CLIP4: variants seen among roughly 807,000 people sequenced by gnomAD.
The protein encoded by CLIP4 is CAP-Gly domain-containing linker protein 4.
In CLIP4, 47 loss-of-function variants were observed where a neutral mutation model predicts 73.1. The observed-to-expected ratio is 0.64, with a 90% CI of 0.51 to 0.82. The LOEUF is 0.82. Ranked by LOEUF, CLIP4 falls within the 40% of genes least tolerant of loss-of-function variation. CLIP4 has a pLI of 0.00. For synonymous variants in CLIP4, 306 were observed against 295.4 expected, an observed-to-expected ratio of 1.04 and a Z score of -0.37; for missense variants, 874 against 852.9, an observed-to-expected ratio of 1.02 and a Z score of -0.31.
At chr2:29,135,758 G>T (rs1665307126) in intron 6 of CLIP4, 92 bp downstream of exon 6, 2 of 823,108 alleles carry the variant, frequency 2.4e-6, no homozygotes, top group South Asian at 1.7e-5. Flanking sequence ...ATTAATAGAA[G>T]AACTCTTACA....
intron 13 of CLIP4, among the ~76,000 whole-genome samples, chr2:29,167,122 C>T (rs1489111604): frequency 6.6e-6 from 1 of 152,108 alleles, no homozygotes; most frequent in Non-Finnish European, 1.5e-5. Flanking sequence ...GAATTAGTGC[C>T]TTTTTCACAA....
chr2:29,103,836 C>T (rs560398637), intron 1 of CLIP4, among the ~76,000 whole-genome samples: 2 of 152,028 alleles, frequency 1.3e-5, no homozygotes, highest in African/African-American at 4.8e-5. Context: ...GCGTCAGACT[C>T]CAGAGTAGCT....
At chr2:29,130,730 G>T in intron 2 of CLIP4, 3 of 1,239,004 alleles carry the variant, frequency 2.4e-6, no homozygotes, top group South Asian at 2.8e-5. Flanking sequence ...TCTTTAGTTT[G>T]GTGCCTCTCA....
At chr2:29,116,594 A>C (rs568604620) in intron 1 of CLIP4, among the ~76,000 whole-genome samples, 2 of 152,336 alleles carry the variant, frequency 1.3e-5, no homozygotes, top group South Asian at 4.1e-4. Context: ...GGTGCGGGGC[A>C]TTGAGCAACT....
chr2:29,100,834 C>T (rs747955083), intron 1 of CLIP4, among the ~76,000 whole-genome samples: 20 of 150,748 alleles, frequency 1.3e-4, no homozygotes, highest in Non-Finnish European at 2.6e-4. Flanking sequence ...GAAGAGCAAA[C>T]AGGACAGGGT....
intron 14 of CLIP4, among the ~76,000 whole-genome samples, chr2:29,172,386 ATAACT>A (rs1370370109): frequency 3.3e-5 from 5 of 152,094 alleles, no homozygotes; most frequent in African/African-American, 4.8e-5. Context: ...TTTTCCAATG[ATAACT>A]TTACTGGGTG....
At chr2:29,163,282 C>G (rs2148062060) in intron 12 of CLIP4, among the ~76,000 whole-genome samples, 1 of 151,140 alleles carries the variant, frequency 6.6e-6, no homozygotes, top group Non-Finnish European at 1.5e-5. Context: ...AAAGATTTTT[C>G]TTTTTACCTT....
chr2:29,101,406 A>G (rs568032413), intron 1 of CLIP4, among the ~76,000 whole-genome samples: 1 of 152,214 alleles, frequency 6.6e-6, no homozygotes, highest in South Asian at 2.1e-4. Context: ...TAAGTCCAAC[A>G]ATCCAAAAGC....
chr2:29,121,475 C>T lies in CLIP4; in HGVS notation c.87C>T (p.Thr29=). 3 of 1,613,702 alleles carry T rather than the reference C, an allele frequency of 1.9e-6. No individual in the cohort carries two copies. The highest frequency in any genetic ancestry group is 1.1e-5 in the South Asian group (1 of 91,046). Residue 29 remains threonine (T), a synonymous_variant, in exon 2 of 16, where the codon ACC becomes ACT. Coordinates refer to ENST00000320081, the MANE Select transcript of CLIP4 (RefSeq NM_024692.6). ...CATTTATATTTTCTGCTTCTGATAC[C>T]CCAGTTATCTTTTCCATTTCTGCAG... ...RYPFIFSASD[T]PVIFSISAAP... is the part of the protein sequence containing the mutation.
At chr2:29,134,888 A>G (rs1214854236) in intron 5 of CLIP4, among the ~76,000 whole-genome samples, 1 of 152,220 alleles carries the variant, frequency 6.6e-6, no homozygotes, top group African/African-American at 2.4e-5. Flanking sequence ...GAATCAATTT[A>G]TAGGTAAGCA....
intron 12 of CLIP4, among the ~76,000 whole-genome samples, chr2:29,160,793 A>G (rs1390051381): frequency 6.6e-6 from 1 of 152,180 alleles, no homozygotes; most frequent in Non-Finnish European, 1.5e-5. Flanking sequence ...GCTACGGATA[A>G]TCTTTAAAAT....
Position 29,133,772 on chromosome 2 carries a change from T to A in CLIP4, c.485T>A (p.Val162Asp). Reference sequence around the variant, plus strand: ...TTGCATTATGCTGCTTATTTTGATGTCCCTGAACTTATAAGAGTGATTTTG... The same window carrying A: ...TTGCATTATGCTGCTTATTTTGATGACCCTGAACTTATAAGAGTGATTTTG... ...NALHYAAYFDVPELIRVILKT... is the reference protein window; with the variant it reads ...NALHYAAYFDDPELIRVILKT... The change falls in exon 5 of 16, where the codon GTC (valine) becomes GAC (aspartate). Residue 162 changes from valine (V) to aspartate (D), a missense_variant. Val to Asp is a radical substitution (Grantham distance 152). Coordinates refer to ENST00000320081, the MANE Select transcript of CLIP4 (RefSeq NM_024692.6). The A allele has an allele frequency of 6.2e-7, 1 of 1,611,690 alleles. No individual in the cohort carries two copies. Among genetic ancestry groups the A allele is most frequent in the South Asian group, 1.1e-5 (1 of 90,348 alleles).
At position 29,152,641 on chromosome 2, in the gene CLIP4, A is replaced by T. The variant is rs751146797; in HGVS notation, c.1022-44A>T. The T allele has an allele frequency of 1.9e-6, 3 of 1,585,460 alleles. No homozygotes were observed. The East Asian group carries it at 6.7e-5, about 36-fold the overall frequency. On this transcript the variant is annotated intron_variant, in intron 8 of 15. Coordinates refer to ENST00000320081, the MANE Select transcript of CLIP4 (RefSeq NM_024692.6). ...TAGTTGTACTTGTTCCTTTATTTGA[A>T]ATGTTTTAATTGTTTAACACTAAAA...
At chr2:29,152,175 A>G (rs1346675152) in intron 8 of CLIP4, among the ~76,000 whole-genome samples, 1 of 152,236 alleles carries the variant, frequency 6.6e-6, no homozygotes, top group African/African-American at 2.4e-5. Context: ...AGACATGGAC[A>G]TAAAAAGCTA....
intron 11 of CLIP4, 132 bp downstream of exon 11, chr2:29,157,479 C>A: frequency 7.1e-7 from 1 of 1,403,598 alleles, no homozygotes; most frequent in Non-Finnish European, 1.0e-6. Flanking sequence ...TTACTCTTCC[C>A]CACCTCCCCC....
chr2:29,145,682 C>CTATT (rs761732334), intron 8 of CLIP4, among the ~76,000 whole-genome samples: 1 of 152,072 alleles, frequency 6.6e-6, no homozygotes, highest in African/African-American at 2.4e-5. Context: ...CAGCTTTCCA[C>CTATT]TATTTATTTA....
chr2:29,152,699 CTT>C lies in CLIP4; in HGVS notation c.1038_1039del (p.Ser347LysfsTer4), dbSNP rs955776587. 1 of 1,612,680 alleles carries C rather than the reference CTT, an allele frequency of 6.2e-7. No homozygotes were observed. ...TTCTCCCTTAGGTATTTTTGCACCT[CTT>C]TCAAAGATAAGTAAAGCAAAAGGTC... Reference protein sequence around the residue: ...CAPKYGIFAPLSKISKAKGRR... With the variant: ...CAPKYGIFAPXSKISKAKGRR... On this transcript the variant is annotated frameshift_variant, in exon 9 of 16. Transcript: ENST00000320081. LOFTEE classifies it high-confidence loss of function.
Position 29,158,235 on chromosome 2 carries a change from G to A in CLIP4, c.1399+888G>A, listed in dbSNP as rs184328351. Among the ~76,000 whole-genome samples, 617 of 152,334 alleles carry A rather than the reference G, an allele frequency of 4.1e-3. 2 individuals are homozygous for A. Among genetic ancestry groups the A allele is most frequent in the African/African-American group, 0.014 (591 of 41,576 alleles). ...GTTTTTCTTTATGTTGTGAGGAGCAGAGGTGAGAAGGTACAGTGCTGACAC... is the reference window on the plus strand; with the variant it reads ...GTTTTTCTTTATGTTGTGAGGAGCAAAGGTGAGAAGGTACAGTGCTGACAC... On this transcript the variant is annotated intron_variant, in intron 11 of 15. Coordinates refer to ENST00000320081, the MANE Select transcript of CLIP4 (RefSeq NM_024692.6).
At chr2:29,159,272 C>G (rs946788459) in intron 11 of CLIP4, among the ~76,000 whole-genome samples, 12 of 152,112 alleles carry the variant, frequency 7.9e-5, no homozygotes, top group Admixed American at 2.6e-4. Context: ...GACTTACCCT[C>G]CATCCCATGC....
Sources: allele counts gnomAD v4.1 joint callset (sites outside exome capture counted in the v4.1 genomes callset), GRCh38; gene constraint gnomAD v4.1.1; transcripts MANE v1.5; gene names NCBI Gene and HGNC (gene_info 2026-07-23, HGNC 2026-07-21).